The following PARD3B variants were observed in gnomAD, a reference collection of about 807,000 sequenced individuals.
PARD3B encodes the protein partitioning defective 3 homolog B.
Under a neutral mutation model 130.2 loss-of-function variants are expected in PARD3B, and 103 were observed. That is an observed-to-expected ratio of 0.79 (90% confidence interval 0.67 to 0.93). The LOEUF is 0.93. PARD3B is among the 40% of genes least tolerant of loss of function. The pLI is 0.00. For synonymous variants in PARD3B, 583 were observed against 553.2 expected, an observed-to-expected ratio of 1.05 and a Z score of -0.76; for missense variants, 1,609 against 1,499.2, an observed-to-expected ratio of 1.07 and a Z score of -1.21.
Position 205,230,406 on chromosome 2 carries a change from A to G in PARD3B, c.2141-15372A>G, listed in dbSNP as rs2038774534. On this transcript the variant is annotated intron_variant, in intron 15 of 22. Coordinates refer to ENST00000406610, the MANE Select transcript of PARD3B (RefSeq NM_001302769.2). The surrounding 1 kb of genome is among the most constrained non-coding windows in gnomAD (Gnocchi z 4.1). ...AAAGCTGCGAGTTTCCTTCTGGCAGAGTGTGTGTCTGGAAATGTCATCCAG... is the reference window on the plus strand; with the variant it reads ...AAAGCTGCGAGTTTCCTTCTGGCAGGGTGTGTGTCTGGAAATGTCATCCAG... Among the ~76,000 whole-genome samples the G allele has an allele frequency of 6.6e-6, 1 of 152,066 alleles. No homozygotes were observed. Among genetic ancestry groups the G allele is most frequent in the Non-Finnish European group, 1.5e-5 (1 of 68,004 alleles).
At position 205,269,254 on chromosome 2, in the gene PARD3B, G is replaced by A. The variant is rs1239038817; in HGVS notation, c.2185+23432G>A. Among the ~76,000 whole-genome samples the A allele has an allele frequency of 6.6e-6, 1 of 152,072 alleles. No homozygotes were observed. The highest frequency in any genetic ancestry group is 6.5e-5 in the Admixed American group (1 of 15,272). The stretch of plus-strand genomic sequence containing the variant: ...CAATGTTAAGTTCTCAATGATTAAA[G>A]GTGCCTTGAGTATTTTATTCAAAAC... On this transcript the variant is annotated intron_variant, in intron 16 of 22. Transcript: ENST00000406610. This position sits in a 1 kb window ranked among gnomAD's most constrained non-coding sequence, Gnocchi z 4.7.
chr2:205,102,647 T>C (rs1456279718), intron 4 of PARD3B, among the ~76,000 whole-genome samples: 1 of 152,208 alleles, frequency 6.6e-6, no homozygotes. Flanking sequence ...GTAGACCAAG[T>C]GTTTCACAAA....
Position 205,500,217 on chromosome 2 carries a change from C to T in PARD3B, c.3180+186C>T, listed in dbSNP as rs142096247. Among the ~76,000 whole-genome samples, 9 of 152,202 alleles carry T rather than the reference C, an allele frequency of 5.9e-5. No homozygotes were observed. The East Asian group carries it at 1.7e-3, about 29-fold the overall frequency. On this transcript the variant is annotated intron_variant, in intron 21 of 22. Coordinates refer to ENST00000406610, the MANE Select transcript of PARD3B (RefSeq NM_001302769.2). ...AGAAGCTGTTTATGGAAATCAAACGCCGTGAACGTGCAGTAGTTCATTCTG... is the reference window on the plus strand; with the variant it reads ...AGAAGCTGTTTATGGAAATCAAACGTCGTGAACGTGCAGTAGTTCATTCTG...
At chr2:204,616,618 A>AT (rs1231985844) in intron 1 of PARD3B, among the ~76,000 whole-genome samples, 9 of 152,196 alleles carry the variant, frequency 5.9e-5, no homozygotes, top group Non-Finnish European at 1.3e-4. Context: ...GCTCCCTGAT[A>AT]TTTACTCAAA....
chr2:204,626,548 T>G (rs1409410194), intron 1 of PARD3B, among the ~76,000 whole-genome samples: 1 of 152,088 alleles, frequency 6.6e-6, no homozygotes. Context: ...ATTTCAAGTT[T>G]TTTTTTTTAC....
At chr2:205,319,515 G>T (rs955137116) in intron 18 of PARD3B, among the ~76,000 whole-genome samples, 1 of 152,176 alleles carries the variant, frequency 6.6e-6, no homozygotes, top group Admixed American at 6.5e-5. Flanking sequence ...TATGGTCTGT[G>T]TAGCTGGCAG....
At chr2:204,885,390 A>T (rs893325362) in intron 2 of PARD3B, among the ~76,000 whole-genome samples, 1 of 152,114 alleles carries the variant, frequency 6.6e-6, no homozygotes, top group African/African-American at 2.4e-5. Flanking sequence ...TGTCAGATGG[A>T]TAGGTTGCAA....
intron 5 of PARD3B, among the ~76,000 whole-genome samples, chr2:205,104,970 G>C (rs967012288): frequency 1.3e-5 from 2 of 152,110 alleles, no homozygotes; most frequent in African/African-American, 4.8e-5. Flanking sequence ...AATGAACCCT[G>C]TCTATCAACC....
Position 205,125,383 on chromosome 2 carries a change from C to G in PARD3B, c.1306-226C>G, listed in dbSNP as rs2031257038. ...TTTCCCCCACATAAGAATGTGATGT[C>G]TTAGGAAAAACTGCTGATATTAATT... is the stretch of plus-strand genomic sequence containing the variant. On this transcript the variant is annotated intron_variant, in intron 9 of 22. Transcript: ENST00000406610. The surrounding 1 kb of genome is among the most constrained non-coding windows in gnomAD (Gnocchi z 4.0). 6.6e-6 allele frequency among the ~76,000 whole-genome samples: 1 copy of G among 152,132 alleles called. No individual in the cohort carries two copies. The highest frequency in any genetic ancestry group is 1.5e-5 in the Non-Finnish European group (1 of 68,018).
chr2:204,738,326 C>G (rs879359288), intron 2 of PARD3B, among the ~76,000 whole-genome samples: 3 of 151,506 alleles, frequency 2.0e-5, no homozygotes, highest in Non-Finnish European at 4.4e-5. Flanking sequence ...ATTTTTTTTC[C>G]TGATGTTGTA....
intron 4 of PARD3B, among the ~76,000 whole-genome samples, chr2:205,096,802 G>A (rs1254025079): frequency 3.3e-5 from 5 of 152,014 alleles, no homozygotes; most frequent in African/African-American, 9.7e-5. Context: ...TGATCTAATC[G>A]TATTCCAAAA....
rs1575270537 is a variant in PARD3B, at chr2:204,906,817, G to A, written c.223-58335G>A. On this transcript the variant is annotated intron_variant, in intron 2 of 22. Coordinates refer to ENST00000406610, the MANE Select transcript of PARD3B (RefSeq NM_001302769.2). The surrounding 1 kb of genome is among the most constrained non-coding windows in gnomAD (Gnocchi z 4.3). ...TTACATTGGATTATTTCATCTGCGT[G>A]GTTTTGTACACCATTTGAATTGGGA... Among the ~76,000 whole-genome samples the A allele has an allele frequency of 6.6e-6, 1 of 152,134 alleles. No individual in the cohort carries two copies. The highest frequency in any genetic ancestry group is 1.9e-4 in the East Asian group (1 of 5,174).
At chr2:205,388,472 C>T (rs2045739097) in intron 18 of PARD3B, among the ~76,000 whole-genome samples, 1 of 152,154 alleles carries the variant, frequency 6.6e-6, no homozygotes. Flanking sequence ...TGTAAATCAT[C>T]ACTATGCGCT....
At chr2:204,826,209 A>G (rs1269913554) in intron 2 of PARD3B, among the ~76,000 whole-genome samples, 1 of 152,192 alleles carries the variant, frequency 6.6e-6, no homozygotes, top group Non-Finnish European at 1.5e-5. Flanking sequence ...CTCTTATCAT[A>G]CTTGATTAGG....
chr2:204,700,482 G>C (rs1358930701), intron 2 of PARD3B, among the ~76,000 whole-genome samples: 2 of 152,088 alleles, frequency 1.3e-5, no homozygotes, highest in Admixed American at 6.6e-5. Flanking sequence ...TTCATATAAG[G>C]AGAGGAATAT....
intron 4 of PARD3B, among the ~76,000 whole-genome samples, chr2:205,082,337 A>G (rs1701467565): frequency 6.6e-6 from 1 of 152,212 alleles, no homozygotes; most frequent in African/African-American, 2.4e-5. Context: ...CACCTATGAT[A>G]AAGCATAATT....
In PARD3B at chr2:205,460,270, T is replaced by G. The variant is rs1176157205; in HGVS notation, c.3044+19598T>G. Reference sequence around the variant, plus strand: ...GTTCGTAAATTTCCTACTGGGTCATTTTTTTTCTGAGAGGGTATTTCTCTA... The same window carrying G: ...GTTCGTAAATTTCCTACTGGGTCATGTTTTTTCTGAGAGGGTATTTCTCTA... On this transcript the variant is annotated intron_variant, in intron 20 of 22. Transcript: ENST00000406610. The surrounding 1 kb of genome is among the most constrained non-coding windows in gnomAD (Gnocchi z 4.9). Among the ~76,000 whole-genome samples, 1 of 152,032 alleles carries G rather than the reference T, an allele frequency of 6.6e-6. No individual in the cohort carries two copies. The highest frequency in any genetic ancestry group is 1.5e-5 in the Non-Finnish European group (1 of 68,014).
intron 1 of PARD3B, among the ~76,000 whole-genome samples, chr2:204,642,796 C>T (rs1414956831): frequency 1.3e-5 from 2 of 151,690 alleles, no homozygotes; most frequent in African/African-American, 4.8e-5. Flanking sequence ...TGTATTCTCA[C>T]AAGACCTGGT....
intron 2 of PARD3B, among the ~76,000 whole-genome samples, chr2:204,810,999 G>A (rs1312916661): frequency 2.0e-5 from 3 of 152,108 alleles, no homozygotes; most frequent in Non-Finnish European, 4.4e-5. Context: ...CTCATTATTG[G>A]TCTGTCCAGG....
Sources: allele counts gnomAD v4.1 joint callset (sites outside exome capture counted in the v4.1 genomes callset), GRCh38; gene constraint gnomAD v4.1.1; non-coding constraint Gnocchi (gnomAD v3.1); transcripts MANE v1.5; gene names NCBI Gene and HGNC (gene_info 2026-07-23, HGNC 2026-07-21).